The following RASSF8 variants were observed in gnomAD, a reference collection of about 807,000 sequenced individuals.
RASSF8 encodes ras association domain-containing protein 8.
In RASSF8, 22 loss-of-function variants were observed where a neutral mutation model predicts 48.5. That is an observed-to-expected ratio of 0.45 (90% CI 0.32 to 0.65). RASSF8 has a LOEUF of 0.65. RASSF8 is among the 30% of genes least tolerant of loss of function. The probability of loss-of-function intolerance (pLI) is 0.03; values close to 1 mark genes in which losing one functional copy is unlikely to be tolerated. For synonymous variants in RASSF8, 127 were observed against 171.5 expected (o/e 0.74, Z 2.03); for missense variants, 418 against 489.2 (o/e 0.85, Z 1.37).
At position 26,072,805 on chromosome 12, in the gene RASSF8, T is replaced by C. The variant is rs1944026550; in HGVS notation, c.*3987T>C. On this transcript the variant is annotated 3_prime_UTR_variant, in exon 6 of 6. Coordinates refer to ENST00000689635, the MANE Select transcript of RASSF8 (RefSeq NM_001394098.1). ...TGTATATTTTCTGATCATTATGAGC[T>C]GTAAAACAAAGAATCAATATTGGAT... The C allele has an allele frequency of 1.1e-6, 1 of 918,416 alleles. No homozygotes were observed. The highest frequency in any genetic ancestry group is 1.8e-5 in the African/African-American group (1 of 55,720). 56.9% of individuals were successfully genotyped at this position (918,416 alleles called of 1,614,324 possible). A position where few individuals can be genotyped will look rare whatever the true frequency, so the allele number is the denominator to read the frequency against.
At chr12:26,073,953 T>TGTAA (rs1944046984), downstream of RASSF8, among the ~76,000 whole-genome samples, 1 of 150,810 alleles carries the variant, frequency 6.6e-6, no homozygotes, top group African/African-American at 2.5e-5. Flanking sequence ...TTCCCATCTA[T>TGTAA]ATATATAGAG....
At chr12:26,063,195 T>C (rs1045595218) in intron 3 of RASSF8, among the ~76,000 whole-genome samples, 14 of 151,618 alleles carry the variant, frequency 9.2e-5, no homozygotes, top group Non-Finnish European at 1.8e-4. Context: ...ATGGCAGCGT[T>C]GGTTTTTTTT....
At chr12:25,983,510 A>G (rs958068663) in intron 1 of RASSF8, among the ~76,000 whole-genome samples, 2 of 152,212 alleles carry the variant, frequency 1.3e-5, no homozygotes, top group Non-Finnish European at 1.5e-5. Context: ...GTTCTCTACT[A>G]TTGGCTTTTC....
chr12:26,065,191 G>A lies in RASSF8; in HGVS notation c.797G>A (p.Arg266Gln), dbSNP rs140972036. 9.3e-5 allele frequency: 150 copies of A among 1,614,078 alleles called. No homozygotes were observed. In the African/African-American group the frequency reaches 9.9e-4, roughly 11 times the overall value. Reference protein sequence around the residue: ...NKLKDYLAQIRTMESGLEAEK... With the variant: ...NKLKDYLAQIQTMESGLEAEK... ...TTAAAGGACTATTTGGCACAGATCC[G>A]GACTATGGAAAGTGGTCTTGAAGCA... The change falls in exon 4 of 6, where the codon CGG (arginine) becomes CAG (glutamine). Residue 266 changes from arginine (R) to glutamine (Q), a missense_variant. Coordinates refer to ENST00000689635, the MANE Select transcript of RASSF8 (RefSeq NM_001394098.1).
At chr12:25,978,666 A>G (rs898778441) in intron 1 of RASSF8, among the ~76,000 whole-genome samples, 2 of 151,946 alleles carry the variant, frequency 1.3e-5, no homozygotes, top group Non-Finnish European at 2.9e-5. Flanking sequence ...TTGTATTCAA[A>G]TGTGTACATG....
chr12:25,992,768 T>A (rs1225150907), intron 1 of RASSF8, among the ~76,000 whole-genome samples: 1 of 152,112 alleles, frequency 6.6e-6, no homozygotes, highest in Non-Finnish European at 1.5e-5. Context: ...GTGCCTGCAG[T>A]TTCCTGAGAC....
At chr12:26,044,148 C>A (rs531788537) in intron 2 of RASSF8, among the ~76,000 whole-genome samples, 1 of 152,186 alleles carries the variant, frequency 6.6e-6, no homozygotes, top group Non-Finnish European at 1.5e-5. Context: ...GCTGCTACTT[C>A]CTCCCACTTT....
intron 3 of RASSF8, among the ~76,000 whole-genome samples, chr12:26,057,088 A>C (rs1943620707): frequency 8.4e-6 from 1 of 118,552 alleles, no homozygotes; most frequent in Admixed American, 9.8e-5. Flanking sequence ...GCATCTGTCC[A>C]TAATGACACT....
chr12:26,067,456 A>G, intron 4 of RASSF8, 113 bp from the exon 5 acceptor site: 1 of 1,143,872 alleles, frequency 8.7e-7, no homozygotes. Context: ...ATGTGCTTTT[A>G]TGAAAGCAGA....
In RASSF8 at chr12:26,067,831, C is replaced by T. The variant is rs985320932; in HGVS notation, c.1138+118C>T. ...CCAGGCTGGAATGCCAGGGGTATTA[C>T]CACGGCTTACTGCAGCCTCGACCTC... On this transcript the variant is annotated intron_variant, in intron 5 of 5. Transcript: ENST00000689635. The T allele has an allele frequency of 3.8e-6, 5 of 1,328,946 alleles. No individual in the cohort carries two copies. In the Admixed American group the frequency reaches 6.2e-5, roughly 16 times the overall value. The allele number at this position is 1,328,946 out of a possible 1,614,324, so 82.3% of individuals were successfully genotyped here.
At chr12:26,001,787 TAAAAA>T (rs548158554) in intron 2 of RASSF8, among the ~76,000 whole-genome samples, 454 of 144,596 alleles carry the variant, frequency 3.1e-3, no homozygotes, top group Non-Finnish European at 5.1e-3. Flanking sequence ...ACAGTTAACT[TAAAAA>T]AAAAAAGGAA....
intron 1 of RASSF8, among the ~76,000 whole-genome samples, chr12:25,960,205 T>G (rs1276723970): frequency 6.6e-6 from 1 of 152,152 alleles, no homozygotes; most frequent in Non-Finnish European, 1.5e-5. Context: ...GATTAACCAC[T>G]CATTCTGGTA....
At chr12:26,001,547 C>A (rs1942257841) in intron 2 of RASSF8, among the ~76,000 whole-genome samples, 1 of 151,808 alleles carries the variant, frequency 6.6e-6, no homozygotes, top group Non-Finnish European at 1.5e-5. Context: ...AAGCTTTTTT[C>A]TATTTTTAAA....
intron 2 of RASSF8, among the ~76,000 whole-genome samples, chr12:26,000,304 A>G (rs1287876434): frequency 6.6e-6 from 1 of 152,188 alleles, no homozygotes; most frequent in Non-Finnish European, 1.5e-5. Context: ...GTGTATATGA[A>G]TATCTATCTT....
intron 2 of RASSF8, among the ~76,000 whole-genome samples, chr12:26,029,202 G>T (rs1255098782): frequency 6.6e-6 from 1 of 152,186 alleles, no homozygotes; most frequent in African/African-American, 2.4e-5. Flanking sequence ...TAGCCTCTCA[G>T]GCTGTTTGCA....
At chr12:25,983,537 A>T (rs1196685245) in intron 1 of RASSF8, among the ~76,000 whole-genome samples, 1 of 152,204 alleles carries the variant, frequency 6.6e-6, no homozygotes, top group African/African-American at 2.4e-5. Context: ...ATTCTTTTTC[A>T]TTAAAAATGT....
intron 2 of RASSF8, among the ~76,000 whole-genome samples, chr12:26,025,696 C>T (rs1301543296): frequency 2.0e-5 from 3 of 151,864 alleles, no homozygotes; most frequent in African/African-American, 7.3e-5. Flanking sequence ...AACAAGATTG[C>T]TGGATACAAG....
At position 26,053,742 on chromosome 12, in the gene RASSF8, A is replaced by G. The variant is rs372085804; in HGVS notation, c.-108-1494A>G. Among the ~76,000 whole-genome samples, 30 of 152,360 alleles carry G rather than the reference A, an allele frequency of 2.0e-4. 1 individual carries two copies. Among genetic ancestry groups the G allele is most frequent in the African/African-American group, 7.0e-4 (29 of 41,586 alleles). ...AAGGTGGCCCCTTCTTTCTTCATACAGGGGATAATGAAACCTATGCTGTGT... is the reference window on the plus strand; with the variant it reads ...AAGGTGGCCCCTTCTTTCTTCATACGGGGGATAATGAAACCTATGCTGTGT... On this transcript the variant is annotated intron_variant, in intron 2 of 5. Transcript: ENST00000689635.
intron 2 of RASSF8, among the ~76,000 whole-genome samples, chr12:26,047,494 CTAAAG>C (rs1371133591): frequency 6.6e-6 from 1 of 152,154 alleles, no homozygotes; most frequent in Admixed American, 6.6e-5. Flanking sequence ...TCTGAATAAT[CTAAAG>C]TAGTTTTGTG....
Sources: gnomAD v4.1 joint callset for allele counts (sites outside exome capture counted in the v4.1 genomes callset) on GRCh38, gnomAD v4.1.1 for gene constraint, MANE v1.5 for transcripts, NCBI Gene and HGNC (gene_info 2026-07-23, HGNC 2026-07-21) for gene names.